The following REPS1 variants were observed in gnomAD, a reference collection of about 807,000 sequenced individuals.
REPS1 encodes the protein RALBP1 associated Eps domain containing 1, also known as ralBP1-associated Eps domain-containing protein 1.
REPS1 carries 39 observed loss-of-function variants against 100.9 expected under a neutral mutation model. The observed-to-expected ratio is 0.39, with a 90% confidence interval of 0.30 to 0.50. The LOEUF (loss-of-function observed/expected upper bound fraction) is 0.50, where lower values mean the gene tolerates loss of function less well. Ranked by LOEUF, REPS1 falls within the 20% of genes least tolerant of loss-of-function variation. REPS1 has a pLI of 0.86. For missense variants in REPS1, 821 were observed against 968.5 expected (o/e 0.85, Z 2.02); for synonymous variants, 324 against 340.3 (o/e 0.95, Z 0.53).
chr6:138,949,090 C>G (rs972113458), intron 1 of REPS1, among the ~76,000 whole-genome samples: 2 of 152,206 alleles, frequency 1.3e-5, no homozygotes, highest in Admixed American at 1.3e-4. Context: ...CCCCAATCCT[C>G]TACTCTTCTG....
chr6:138,933,442 A>G (rs1314431801), intron 8 of REPS1, among the ~76,000 whole-genome samples: 1 of 152,216 alleles, frequency 6.6e-6, no homozygotes, highest in East Asian at 1.9e-4. Flanking sequence ...AATGTGTAAT[A>G]AAATATTATT....
chr6:138,933,732 A>T (rs889847883), intron 8 of REPS1, among the ~76,000 whole-genome samples: 5 of 152,350 alleles, frequency 3.3e-5, no homozygotes, highest in African/African-American at 1.2e-4. Context: ...TCCTAAAAAT[A>T]TTTATGCCAA....
At chr6:138,944,381 T>A in intron 5 of REPS1, 117 bp downstream of exon 5, 1 of 1,214,456 alleles carries the variant, frequency 8.2e-7, no homozygotes, top group Non-Finnish European at 1.2e-6. Context: ...ATTTTGCTTT[T>A]AAATAAATGA....
chr6:138,920,944 A>C (rs1780714005), intron 11 of REPS1, 93 bp downstream of exon 11: 1 of 867,990 alleles, frequency 1.2e-6, no homozygotes, highest in Non-Finnish European at 1.9e-6. Flanking sequence ...AGCTTAAAAA[A>C]TAAGCGATGA....
intron 1 of REPS1, among the ~76,000 whole-genome samples, chr6:138,967,261 T>C (rs1784076654): frequency 6.6e-6 from 1 of 152,198 alleles, no homozygotes; most frequent in Non-Finnish European, 1.5e-5. Flanking sequence ...AATTACCCAG[T>C]CTATGGTATT....
At chr6:138,977,841 G>A (rs950588708) in intron 1 of REPS1, among the ~76,000 whole-genome samples, 1 of 152,182 alleles carries the variant, frequency 6.6e-6, no homozygotes, top group Admixed American at 6.5e-5. Context: ...TCCCAATGTG[G>A]CTGTGTCATT....
At chr6:138,937,602 T>G (rs112556044) in intron 8 of REPS1, among the ~76,000 whole-genome samples, 3 of 152,160 alleles carry the variant, frequency 2.0e-5, no homozygotes, top group African/African-American at 7.2e-5. Context: ...TGTGCCCAAA[T>G]CTACTGTGTA....
intron 11 of REPS1, among the ~76,000 whole-genome samples, chr6:138,920,667 TTA>T (rs1780697730): frequency 6.6e-6 from 1 of 152,158 alleles, no homozygotes; most frequent in South Asian, 2.1e-4. Context: ...CCTGAAACAT[TTA>T]GTCTAAAATG....
chr6:138,969,859 A>ATTTTTTTT (rs56070030), intron 1 of REPS1, among the ~76,000 whole-genome samples: 1,081 of 94,604 alleles, frequency 0.011, 75 homozygotes, highest in South Asian at 0.016. Context: ...GTGAATTGGG[A>ATTTTTTTT]TTTTTTTTTT....
intron 13 of REPS1, 146 bp downstream of exon 13, chr6:138,917,409 T>A (rs779969724): frequency 3.2e-6 from 2 of 616,084 alleles, no homozygotes; most frequent in Non-Finnish European, 2.8e-6. Flanking sequence ...TTGGAAAGGA[T>A]CAAAATTACT....
chr6:138,927,696 A>G (rs550983629), intron 9 of REPS1: 19 of 152,318 alleles, frequency 1.2e-4, no homozygotes, highest in Admixed American at 3.3e-4. Flanking sequence ...CAATAATTCA[A>G]CGACTTTTCC....
rs375119895 is a variant in REPS1 at position 138,921,456 on chromosome 6, T to C, written c.1339-332A>G. On this transcript the variant is annotated intron_variant, in intron 10 of 19. Coordinates refer to ENST00000450536, the MANE Select transcript of REPS1 (RefSeq NM_001286611.2). The stretch of plus-strand genomic sequence containing the variant: ...AGGAGAATCACTTGAGCCCAGAGAA[T>C]AGCCTAAGCAACATAGTGAAACCCT... Among the ~76,000 whole-genome samples the C allele has an allele frequency of 2.0e-5, 3 of 150,632 alleles. 1 individual carries two copies.
intron 1 of REPS1, among the ~76,000 whole-genome samples, chr6:138,983,755 G>A (rs1184215393): frequency 5.9e-5 from 9 of 152,196 alleles, no homozygotes; most frequent in East Asian, 3.9e-4. Flanking sequence ...ACTGTCTCCC[G>A]TCCCTAAACA....
intron 8 of REPS1, among the ~76,000 whole-genome samples, chr6:138,938,679 T>C (rs1015427498): frequency 1.3e-5 from 2 of 152,110 alleles, no homozygotes; most frequent in African/African-American, 4.8e-5. Context: ...TTTCAGTAAT[T>C]AGCATGTAGA....
chr6:138,925,814 A>G (rs764417044), intron 10 of REPS1, among the ~76,000 whole-genome samples: 2 of 152,252 alleles, frequency 1.3e-5, no homozygotes, highest in Non-Finnish European at 2.9e-5. Context: ...TATTTTTTAA[A>G]TCAGGATATG....
chr6:138,927,561 C>T (rs769246715), intron 9 of REPS1: 4 of 152,110 alleles, frequency 2.6e-5, no homozygotes, highest in Non-Finnish European at 5.9e-5. Flanking sequence ...GGAAAGTATA[C>T]ATTTTTATGC....
chr6:138,923,836 T>C (rs1780934959), intron 10 of REPS1, among the ~76,000 whole-genome samples: 1 of 152,366 alleles, frequency 6.6e-6, no homozygotes, highest in South Asian at 2.1e-4. Flanking sequence ...TGGCTAATTA[T>C]TACAATTTAG....
At chr6:138,935,856 C>CGGGGGGGGGGGGG (rs1449985583) in intron 8 of REPS1, among the ~76,000 whole-genome samples, 4 of 2,196 alleles carry the variant, frequency 1.8e-3, no homozygotes, top group Admixed American at 9.1e-3. Context: ...TCCATCTTGG[C>CGGGGGGGGGGGGG]GGGGGGGGGG....
intron 1 of REPS1, among the ~76,000 whole-genome samples, chr6:138,979,878 T>C (rs1487231743): frequency 2.0e-5 from 3 of 152,178 alleles, no homozygotes; most frequent in Non-Finnish European, 4.4e-5. Flanking sequence ...ACTAACATAG[T>C]GACAATCTTC....
Sources: gnomAD v4.1 joint callset for allele counts (sites outside exome capture counted in the v4.1 genomes callset) on GRCh38, gnomAD v4.1.1 for gene constraint, MANE v1.5 for transcripts, NCBI Gene and HGNC (gene_info 2026-07-23, HGNC 2026-07-21) for gene names.